Variants in NUS1 observed in about 807,000 individuals in gnomAD.
The protein encoded by NUS1 is NUS1 dehydrodolichyl diphosphate synthase subunit, also known as dehydrodolichyl diphosphate synthase complex subunit NUS1.
For synonymous variants in NUS1, 135 were observed against 155.2 expected, an observed-to-expected ratio of 0.87 and a Z score of 0.97; for missense variants, 292 against 382.9, an observed-to-expected ratio of 0.76 and a Z score of 1.98.
chr6:117,695,845 AC>A (rs1773311029), intron 3 of NUS1, among the ~76,000 whole-genome samples: 1 of 152,070 alleles, frequency 6.6e-6, no homozygotes, highest in African/African-American at 2.4e-5. Flanking sequence ...TTGTTTACTT[AC>A]CATATTTTTG....
chr6:117,688,595 A>G (rs1773173453), intron 1 of NUS1, among the ~76,000 whole-genome samples: 1 of 152,136 alleles, frequency 6.6e-6, no homozygotes, highest in African/African-American at 2.4e-5. Flanking sequence ...TATACACTTA[A>G]AGTCCTGCTC....
intron 1 of NUS1, among the ~76,000 whole-genome samples, chr6:117,680,344 A>C (rs746302298): frequency 1.4e-4 from 21 of 152,212 alleles, no homozygotes; most frequent in Non-Finnish European, 2.9e-4. Context: ...TTATTGTTCT[A>C]GCCTTAGCAG....
chr6:117,702,953 T>A (rs188124132), intron 3 of NUS1, among the ~76,000 whole-genome samples: 4 of 152,312 alleles, frequency 2.6e-5, no homozygotes, highest in Non-Finnish European at 4.4e-5. Context: ...TTGTCCTTTT[T>A]TTCCCCAAGT....
At chr6:117,687,783 C>T (rs1178689055) in intron 1 of NUS1, among the ~76,000 whole-genome samples, 2 of 152,136 alleles carry the variant, frequency 1.3e-5, no homozygotes, top group African/African-American at 4.8e-5. Flanking sequence ...CTGAGCAGTT[C>T]GTTCTTAATA....
intron 3 of NUS1, among the ~76,000 whole-genome samples, chr6:117,699,045 A>G (rs1165343938): frequency 6.6e-6 from 1 of 152,176 alleles, no homozygotes; most frequent in East Asian, 1.9e-4. Context: ...CATAGCTACT[A>G]TCTTTCTGAA....
chr6:117,689,260 C>G (rs1311212075), intron 1 of NUS1, among the ~76,000 whole-genome samples: 1 of 152,108 alleles, frequency 6.6e-6, no homozygotes, highest in Non-Finnish European at 1.5e-5. Context: ...GGTTGTCATC[C>G]ATTGCTTTGA....
chr6:117,683,152 A>G (rs374320781), intron 1 of NUS1, among the ~76,000 whole-genome samples: 36 of 152,324 alleles, frequency 2.4e-4, no homozygotes, highest in Non-Finnish European at 4.3e-4. Context: ...AAAAACCCAC[A>G]TGGATTGTTC....
At chr6:117,696,335 G>A (rs1488128682) in intron 3 of NUS1, among the ~76,000 whole-genome samples, 3 of 152,088 alleles carry the variant, frequency 2.0e-5, no homozygotes, top group Non-Finnish European at 4.4e-5. Context: ...GAGAGAGAAC[G>A]AGATGGGTTA....
intron 3 of NUS1, among the ~76,000 whole-genome samples, chr6:117,703,001 A>C (rs1456404947): frequency 1.3e-5 from 2 of 152,080 alleles, no homozygotes; most frequent in Non-Finnish European, 2.9e-5. Flanking sequence ...AAAGAGATAA[A>C]AATTGACCTT....
At chr6:117,695,469 C>T (rs1285061127) in intron 3 of NUS1, among the ~76,000 whole-genome samples, 8 of 152,068 alleles carry the variant, frequency 5.3e-5, no homozygotes, top group Admixed American at 5.2e-4. Context: ...TTGACTGTTT[C>T]CTGCACCCTA....
At chr6:117,683,775 A>G (rs1773097309) in intron 1 of NUS1, among the ~76,000 whole-genome samples, 1 of 152,248 alleles carries the variant, frequency 6.6e-6, no homozygotes, top group Admixed American at 6.5e-5. Flanking sequence ...ATGTATTTTA[A>G]AAGTCTCATT....
intron 1 of NUS1, among the ~76,000 whole-genome samples, chr6:117,679,880 C>G (rs117752071): frequency 1.2e-3 from 181 of 152,272 alleles, no homozygotes; most frequent in Non-Finnish European, 2.0e-3. Context: ...CTTCACCTCT[C>G]AATGAGAAAA....
chr6:117,679,114 A>T (rs1773025391), intron 1 of NUS1, among the ~76,000 whole-genome samples: 1 of 152,244 alleles, frequency 6.6e-6, no homozygotes, highest in Non-Finnish European at 1.5e-5. Context: ...TCTCTTAAAG[A>T]GTTTCCACTC....
chr6:117,687,265 CCTTT>C (rs1215894291), intron 1 of NUS1, among the ~76,000 whole-genome samples: 2 of 152,084 alleles, frequency 1.3e-5, no homozygotes, highest in African/African-American at 4.8e-5. Context: ...GTGACATGTT[CCTTT>C]ATGTTTCATT....
intron 1 of NUS1, among the ~76,000 whole-genome samples, chr6:117,685,708 C>G (rs895164959): frequency 6.6e-6 from 1 of 151,978 alleles, no homozygotes; most frequent in African/African-American, 2.4e-5. Context: ...ATTGAGAGTA[C>G]GTGAAATATA....
chr6:117,706,182 T>G (rs1450294954), intron 4 of NUS1, among the ~76,000 whole-genome samples: 1 of 152,216 alleles, frequency 6.6e-6, no homozygotes, highest in Non-Finnish European at 1.5e-5. Context: ...GGGAACCCTC[T>G]GATTGTGTAT....
At chr6:117,706,329 C>G (rs1418174281) in intron 4 of NUS1, among the ~76,000 whole-genome samples, 4 of 152,134 alleles carry the variant, frequency 2.6e-5, no homozygotes, top group Non-Finnish European at 4.4e-5. Context: ...CTGTGTGGCT[C>G]TGCCCAACAT....
Position 117,708,178 on chromosome 6 carries a change from T to C in NUS1, c.*1163T>C, listed in dbSNP as rs1280811280. 9 of 152,824 alleles carry C rather than the reference T, an allele frequency of 5.9e-5. No individual in the cohort carries two copies. In the South Asian group the frequency reaches 1.9e-3, roughly 32 times the overall value. The allele number at this position is 152,824 out of a possible 1,614,324, so 9.5% of individuals were successfully genotyped here. A position where few individuals can be genotyped will look rare whatever the true frequency, so the allele number is the denominator to read the frequency against. ...AAGGCCTCTGTGGGGGAATAAAATA[T>C]TACCAAAGTCTATAAAAATAAATTT... On this transcript the variant is annotated 3_prime_UTR_variant, in exon 5 of 5. Transcript: ENST00000368494.
At chr6:117,705,382 A>G (rs1203908604) in intron 4 of NUS1, among the ~76,000 whole-genome samples, 2 of 152,192 alleles carry the variant, frequency 1.3e-5, no homozygotes, top group Non-Finnish European at 2.9e-5. Flanking sequence ...ATACAGCTCT[A>G]TAACTTGACT....
Sources: gnomAD v4.1 joint callset for allele counts (sites outside exome capture counted in the v4.1 genomes callset) on GRCh38, gnomAD v4.1.1 for gene constraint, MANE v1.5 for transcripts, NCBI Gene and HGNC (gene_info 2026-07-23, HGNC 2026-07-21) for gene names.